The following FLRT2 variants were observed in gnomAD, a reference collection of about 807,000 sequenced individuals.
FLRT2 encodes leucine-rich repeat transmembrane protein FLRT2.
A neutral mutation model predicts 40.0 loss-of-function variants in FLRT2; 15 were observed. The observed-to-expected ratio is 0.38, with a 90% CI of 0.25 to 0.58. The LOEUF is 0.58. FLRT2 is among the 20% of genes least tolerant of loss of function. The pLI is 0.71. For synonymous variants in FLRT2, 380 were observed against 336.8 expected (o/e 1.13, Z -1.41); for missense variants, 726 against 840.0 (o/e 0.86, Z 1.68).
At chr14:85,591,930 A>C (rs902466108) in intron 1 of FLRT2, among the ~76,000 whole-genome samples, 2 of 152,220 alleles carry the variant, frequency 1.3e-5, no homozygotes, top group Non-Finnish European at 2.9e-5. Flanking sequence ...CATTATGCTT[A>C]TATAGAATGC....
intron 1 of FLRT2, among the ~76,000 whole-genome samples, chr14:85,543,126 C>T (rs1420028778): frequency 6.6e-6 from 1 of 152,154 alleles, no homozygotes; most frequent in African/African-American, 2.4e-5. Context: ...TTGCTATACT[C>T]AGTGTGCAAA....
intron 1 of FLRT2, among the ~76,000 whole-genome samples, chr14:85,585,665 G>T (rs575923132): frequency 6.6e-6 from 1 of 152,208 alleles, no homozygotes; most frequent in African/African-American, 2.4e-5. Flanking sequence ...TAGGGTTGTT[G>T]ATACTGTAAA....
chr14:85,587,303 A>AAAAAAAAAAG (rs1555368490), intron 1 of FLRT2, among the ~76,000 whole-genome samples: 2 of 147,584 alleles, frequency 1.4e-5, no homozygotes, highest in Non-Finnish European at 1.5e-5. Context: ...AAAAAAAAAA[A>AAAAAAAAAAG]AAGAAGAAAG....
chr14:85,582,676 C>T (rs562014144), intron 1 of FLRT2, among the ~76,000 whole-genome samples: 80 of 151,964 alleles, frequency 5.3e-4, no homozygotes, highest in African/African-American at 1.8e-3. Context: ...ATAGCTATTG[C>T]CATTATAATC....
intron 1 of FLRT2, among the ~76,000 whole-genome samples, chr14:85,544,351 T>C (rs1368616758): frequency 2.0e-5 from 3 of 152,230 alleles, no homozygotes; most frequent in Admixed American, 6.5e-5. Flanking sequence ...ATCGGTTACG[T>C]AGATGTTCAC....
Position 85,630,676 on chromosome 14 carries a change from T to G in FLRT2, c.*7179T>G, listed in dbSNP as rs1236355647. On this transcript the variant is annotated 3_prime_UTR_variant, in exon 2 of 2. Coordinates refer to ENST00000330753, the MANE Select transcript of FLRT2 (RefSeq NM_013231.6). The stretch of plus-strand genomic sequence containing the variant: ...GAATATGGCCAGGCTGGTCTCAAAC[T>G]CCTGATCTTAGGTGATCCACCCACC... 1 of 152,120 alleles carries G rather than the reference T, an allele frequency of 6.6e-6. No individual in the cohort carries two copies. Among genetic ancestry groups the G allele is most frequent in the Non-Finnish European group, 1.5e-5 (1 of 68,064 alleles). The allele number at this position is 152,120 out of a possible 1,614,324, so 9.4% of individuals were successfully genotyped here.
rs1379088631 is a variant in FLRT2 at position 85,631,190 on chromosome 14, A to G, written c.*7693A>G. On this transcript the variant is annotated 3_prime_UTR_variant, in exon 2 of 2. Coordinates refer to ENST00000330753, the MANE Select transcript of FLRT2 (RefSeq NM_013231.6). ...CTGGGATCTCAAGTTCCTTCAAACC[A>G]CTATATATGTGCTCAAGGTCTTTCA... 7.1e-6 allele frequency: 1 copy of G among 140,664 alleles called. No individual in the cohort carries two copies. Among genetic ancestry groups the G allele is most frequent in the Non-Finnish European group, 1.5e-5 (1 of 66,662 alleles). The allele number at this position is 140,664 out of a possible 1,614,324, so 8.7% of individuals were successfully genotyped here. A position where few individuals can be genotyped will look rare whatever the true frequency, so the allele number is the denominator to read the frequency against.
Position 85,622,052 on chromosome 14 carries a change from G to A in FLRT2, c.538G>A (p.Val180Met). The A allele has an allele frequency of 1.2e-6, 2 of 1,613,982 alleles. No individual in the cohort carries two copies. Among genetic ancestry groups the A allele is most frequent in the South Asian group, 2.2e-5 (2 of 91,040 alleles). The change falls in exon 2 of 2, where the codon GTG (valine) becomes ATG (methionine). Residue 180 changes from valine to methionine, a missense_variant. Val to Met is a conservative substitution (Grantham distance 21). Transcript: ENST00000330753. ...HLSSVPVGLP[V>M]DLQELRVDEN... ...GAGCAGTGTGCCTGTTGGGCTTCCT[G>A]TGGACTTGCAAGAGCTGAGAGTGGA...
At chr14:85,537,902 T>C (rs933129077) in intron 1 of FLRT2, among the ~76,000 whole-genome samples, 2 of 152,094 alleles carry the variant, frequency 1.3e-5, no homozygotes, top group Non-Finnish European at 2.9e-5. Flanking sequence ...TGGTTTTCTT[T>C]GATTCCTTCT....
intron 1 of FLRT2, chr14:85,562,712 C>G (rs1425564082): frequency 6.8e-6 from 1 of 146,986 alleles, no homozygotes; most frequent in Non-Finnish European, 1.5e-5. Context: ...AGTATTCAGG[C>G]CACACGGTTC....
At chr14:85,606,977 T>TGA (rs1295013970) in intron 1 of FLRT2, among the ~76,000 whole-genome samples, 1 of 151,310 alleles carries the variant, frequency 6.6e-6, no homozygotes, top group Non-Finnish European at 1.5e-5. Flanking sequence ...CCTCATGACA[T>TGA]TTTAATACTA....
Position 85,653,616 on chromosome 14 carries a change from A to T in FLRT2, c.*30119A>T, listed in dbSNP as rs1033862451. 2 of 152,342 alleles carry T rather than the reference A, an allele frequency of 1.3e-5. No individual in the cohort carries two copies. The highest frequency in any genetic ancestry group is 4.8e-5 in the African/African-American group (2 of 41,580). The allele number at this position is 152,342 out of a possible 1,614,324, so 9.4% of individuals were successfully genotyped here. On this transcript the variant is annotated 3_prime_UTR_variant, in exon 2 of 2. Coordinates refer to ENST00000330753, the MANE Select transcript of FLRT2 (RefSeq NM_013231.6). ...ATGAAAGAAACCCTGGTCCAAGCGA[A>T]CTGTCTCCTTCACCAAAGCCACCTT...
Position 85,641,919 on chromosome 14 carries a change from A to G in FLRT2, c.*18422A>G, listed in dbSNP as rs1279770026. On this transcript the variant is annotated 3_prime_UTR_variant, in exon 2 of 2. Coordinates refer to ENST00000330753, the MANE Select transcript of FLRT2 (RefSeq NM_013231.6). ...ATCACCTGGAATGAAGAGCCTATTA[A>G]AGCCAAGGCTTTGGTGACCAATGTG... 2.0e-5 allele frequency: 3 copies of G among 152,272 alleles called. No homozygotes were observed. In the East Asian group the frequency reaches 5.8e-4, roughly 29 times the overall value. The allele number at this position is 152,272 out of a possible 1,614,324, so 9.4% of individuals were successfully genotyped here. A position where few individuals can be genotyped will look rare whatever the true frequency, so the allele number is the denominator to read the frequency against.
chr14:85,562,620 C>CTTTTTTTTTTTTTTTTTTTTTTTT (rs3830857), intron 1 of FLRT2: 3 of 115,518 alleles, frequency 2.6e-5, no homozygotes, highest in Non-Finnish European at 3.4e-5. Flanking sequence ...TTCTTTCTTT[C>CTTTTTTTTTTTTTTTTTTTTTTTT]TTTTTTTTTT....
At chr14:85,610,870 T>C (rs1361109612) in intron 1 of FLRT2, among the ~76,000 whole-genome samples, 1 of 152,200 alleles carries the variant, frequency 6.6e-6, no homozygotes. Context: ...AATTTTATCT[T>C]TTCTAATCTC....
At chr14:85,554,867 C>T (rs1222774224) in intron 1 of FLRT2, among the ~76,000 whole-genome samples, 1 of 152,284 alleles carries the variant, frequency 6.6e-6, no homozygotes. Flanking sequence ...TCCCTTTTCC[C>T]TGTGGCTGAA....
chr14:85,590,005 G>A (rs1449689377), intron 1 of FLRT2, among the ~76,000 whole-genome samples: 1 of 151,066 alleles, frequency 6.6e-6, no homozygotes, highest in East Asian at 1.9e-4. Flanking sequence ...CTATAGCTCT[G>A]TAGTATAATT....
intron 1 of FLRT2, among the ~76,000 whole-genome samples, chr14:85,598,151 C>G (rs1892224624): frequency 6.6e-6 from 1 of 152,228 alleles, no homozygotes; most frequent in South Asian, 2.1e-4. Context: ...AGCACTTACT[C>G]TATTCAGGCC....
chr14:85,534,609 C>T lies in FLRT2; in HGVS notation c.-377+4075C>T, dbSNP rs150115079. On this transcript the variant is annotated intron_variant, in intron 1 of 1. Coordinates refer to ENST00000330753, the MANE Select transcript of FLRT2 (RefSeq NM_013231.6). ...TTGCCACGACTGTCCGTATGTGTGT[C>T]TGTGTGTGTGCGTGTGTTTGGGGGA... 1.3e-3 allele frequency among the ~76,000 whole-genome samples: 191 copies of T among 150,664 alleles called. 2 individuals are homozygous for T. The highest frequency in any genetic ancestry group is 4.5e-3 in the African/African-American group (184 of 41,036).
Sources: gnomAD v4.1 joint callset for allele counts (sites outside exome capture counted in the v4.1 genomes callset) on GRCh38, gnomAD v4.1.1 for gene constraint, MANE v1.5 for transcripts, NCBI Gene and HGNC (gene_info 2026-07-23, HGNC 2026-07-21) for gene names.